TMEM54: variants seen among roughly 807,000 people sequenced by gnomAD.
The protein encoded by TMEM54 is transmembrane protein 54.
TMEM54 carries 21 observed loss-of-function variants against 21.3 expected under a neutral mutation model. The ratio of observed to expected loss-of-function variants is 0.99; its 90% CI spans 0.70 to 1.42. The LOEUF is 1.42. TMEM54 is among the 40% of genes most tolerant of loss of function. The pLI, the probability that TMEM54 is intolerant of heterozygous loss-of-function variation, is 0.00. For synonymous variants in TMEM54, 109 were observed against 125.0 expected, an observed-to-expected ratio of 0.87 and a Z score of 0.86; for missense variants, 246 against 294.0, an observed-to-expected ratio of 0.84 and a Z score of 1.19.
rs1641642734 is a variant in TMEM54, at chr1:32,898,169, T to G, written c.167A>C (p.Gln56Pro). 1.2e-6 allele frequency: 2 copies of G among 1,611,406 alleles called. No individual in the cohort carries two copies. The highest frequency in any genetic ancestry group is 1.7e-6 in the Non-Finnish European group (2 of 1,177,928). ...AGAGAGGATGTTGACCACGCAGTAC[T>G]GCAGAGCCACCGCATCTTGAGGGGT... is the stretch of plus-strand genomic sequence containing the variant. ...VGTPQDAVALQYCVVNILSVT... is the reference protein window; with the variant it reads ...VGTPQDAVALPYCVVNILSVT... Residue 56 changes from glutamine (Q) to proline (P), a missense_variant, in exon 2 of 6, where the codon CAG becomes CCG. Physicochemically the swap from Gln to Pro is moderately conservative, Grantham distance 76 (BLOSUM62 -1). Transcript: ENST00000373463.
chr1:32,900,434 A>G (rs1641699019), intron 1 of TMEM54, among the ~76,000 whole-genome samples: 1 of 151,982 alleles, frequency 6.6e-6, no homozygotes, highest in Non-Finnish European at 1.5e-5. Flanking sequence ...TATGTTGGCC[A>G]GGCTAGTCTC....
In TMEM54 at chr1:32,895,238, G is replaced by A. The variant is rs1641557314; in HGVS notation, c.594+67C>T. 6.4e-7 allele frequency: 1 copy of A among 1,551,822 alleles called. No individual in the cohort carries two copies. The stretch of plus-strand genomic sequence containing the variant: ...GGCCCATACATAGGGGTGGGGCAGA[G>A]CAGCTTGGGCACCCTGGCAGGGGCT... On this transcript the variant is annotated intron_variant, in intron 5 of 5. Coordinates refer to ENST00000373463, the MANE Select transcript of TMEM54 (RefSeq NM_033504.4). This position sits in a 1 kb window ranked among gnomAD's most constrained non-coding sequence, Gnocchi z 5.8.
chr1:32,894,671 G>T lies in TMEM54; in HGVS notation c.*134C>A. The T allele has an allele frequency of 8.1e-7, 1 of 1,227,508 alleles. No individual in the cohort carries two copies. The highest frequency in any genetic ancestry group is 1.1e-6 in the Non-Finnish European group (1 of 876,584). The allele number at this position is 1,227,508 out of a possible 1,614,324, so 76.0% of individuals were successfully genotyped here. ...AGTGGGCTGGGTGGTGGGGGAGAGG[G>T]TTGAAAGCCCCACTTGGGTCCCCGA... On this transcript the variant is annotated 3_prime_UTR_variant, in exon 6 of 6. Coordinates refer to ENST00000373463, the MANE Select transcript of TMEM54 (RefSeq NM_033504.4).
chr1:32,898,152 T>A lies in TMEM54; in HGVS notation c.184A>T (p.Ile62Phe). 1 of 1,600,792 alleles carries A rather than the reference T, an allele frequency of 6.2e-7. No homozygotes were observed. Among genetic ancestry groups the A allele is most frequent in the Non-Finnish European group, 8.6e-7 (1 of 1,168,878 alleles). Reference protein sequence around the residue: ...AVALQYCVVNILSVTSAIVVI... With the variant: ...AVALQYCVVNFLSVTSAIVVI... ...ACGATGGCGGAAGTGACAGAGAGGATGTTGACCACGCAGTACTGCAGAGCC... is the reference window on the plus strand; with the variant it reads ...ACGATGGCGGAAGTGACAGAGAGGAAGTTGACCACGCAGTACTGCAGAGCC... The change falls in exon 2 of 6, where the codon ATC (isoleucine) becomes TTC (phenylalanine). Residue 62 changes from isoleucine (I) to phenylalanine (F), a missense_variant. Coordinates refer to ENST00000373463, the MANE Select transcript of TMEM54 (RefSeq NM_033504.4).
chr1:32,898,401 G>C (rs1017991808), intron 1 of TMEM54, 82 bp from the exon 2 acceptor site: 10 of 1,328,072 alleles, frequency 7.5e-6, no homozygotes, highest in Non-Finnish European at 1.0e-5. Flanking sequence ...TGGCCCTAGT[G>C]ATGGACATTG....
chr1:32,896,263 G>C lies in TMEM54; in HGVS notation c.211-294C>G. The C allele has an allele frequency of 3.2e-6, 1 of 317,458 alleles. No individual in the cohort carries two copies. The highest frequency in any genetic ancestry group is 5.7e-6 in the Non-Finnish European group (1 of 173,976). The allele number at this position is 317,458 out of a possible 1,614,324, so 19.7% of individuals were successfully genotyped here. On this transcript the variant is annotated intron_variant, in intron 2 of 5. Transcript: ENST00000373463. This position sits in a 1 kb window ranked among gnomAD's most constrained non-coding sequence, Gnocchi z 4.1. ...ATCCTGGGGCCACCGGGGCATGCCAGGGTATGCATGGGACACCCCTTTCTG... is the reference window on the plus strand; with the variant it reads ...ATCCTGGGGCCACCGGGGCATGCCACGGTATGCATGGGACACCCCTTTCTG...
In TMEM54 at chr1:32,897,103, A is replaced by ACTGCCTTCC. The variant is rs1352586783; in HGVS notation, c.210+1014_210+1022dup. Among the ~76,000 whole-genome samples the ACTGCCTTCC allele has an allele frequency of 3.3e-5, 5 of 152,278 alleles. No homozygotes were observed. In the East Asian group the frequency reaches 9.7e-4, roughly 29 times the overall value. ...TGGTGGACCTCCTCGCCCTGAGCTC[A>ACTGCCTTCC]CTGCCTTCCCTGCCTTCCTCACAAC... On this transcript the variant is annotated intron_variant, in intron 2 of 5. Coordinates refer to ENST00000373463, the MANE Select transcript of TMEM54 (RefSeq NM_033504.4). This position sits in a 1 kb window ranked among gnomAD's most constrained non-coding sequence, Gnocchi z 4.9.
rs1366152206 is a variant in TMEM54, at chr1:32,895,928, G to T, written c.252C>A (p.Tyr84Ter). The change falls in exon 3 of 6, where the codon TAC (tyrosine) becomes TAA (stop). Residue 84 changes from tyrosine to a stop codon, truncating the protein, a stop_gained. Coordinates refer to ENST00000373463, the MANE Select transcript of TMEM54 (RefSeq NM_033504.4). LOFTEE classifies it high-confidence loss of function. The surrounding 1 kb of genome is among the most constrained non-coding windows in gnomAD (Gnocchi z 5.8). The stretch of plus-strand genomic sequence containing the variant: ...CACGTACCAGGGGGGTGCTAGGGAG[G>T]TAGCGTGACAACACGATGGCTGCGA... Reference protein sequence around the residue: ...SGIAAIVLSRYLPSTPLRWTV... With the variant: ...SGIAAIVLSR The T allele has an allele frequency of 6.2e-7, 1 of 1,613,284 alleles. No homozygotes were observed. Among genetic ancestry groups the T allele is most frequent in the African/African-American group, 1.3e-5 (1 of 74,916 alleles).
chr1:32,895,585 A>G lies in TMEM54; in HGVS notation c.429T>C (p.Pro143=). ...FGSSELLALA[P]DCPFDPTRIY... is the part of the protein sequence containing the mutation. Reference sequence around the variant, plus strand: ...TGCGTGTGGGGTCGAAGGGACAGTCAGGTGCGAGGGCCAGTAGTTCAGAGC... The same window carrying G: ...TGCGTGTGGGGTCGAAGGGACAGTCGGGTGCGAGGGCCAGTAGTTCAGAGC... Residue 143 remains proline (P), a synonymous_variant, in exon 4 of 6, where the codon CCT becomes CCC. Coordinates refer to ENST00000373463, the MANE Select transcript of TMEM54 (RefSeq NM_033504.4). The surrounding 1 kb of genome is among the most constrained non-coding windows in gnomAD (Gnocchi z 5.8). 6.3e-7 allele frequency: 1 copy of G among 1,587,092 alleles called. No individual in the cohort carries two copies. The highest frequency in any genetic ancestry group is 8.6e-7 in the Non-Finnish European group (1 of 1,166,720).
chr1:32,895,723 C>T lies in TMEM54; in HGVS notation c.291G>A (p.Ser97=), dbSNP rs375459586. ...STPLRWTVFS[S]SVACALLSLT... ...GAGAAAGGAGAGCACAGGCCACGCT[C>T]GAGCTAAACACTGTCCAGCGCTGGA... The change falls in exon 4 of 6, where the codon TCG becomes TCA. Residue 97 remains serine, a synonymous_variant. Coordinates refer to ENST00000373463, the MANE Select transcript of TMEM54 (RefSeq NM_033504.4). This position sits in a 1 kb window ranked among gnomAD's most constrained non-coding sequence, Gnocchi z 5.8. The T allele has an allele frequency of 2.4e-5, 38 of 1,557,892 alleles. No homozygotes were observed. Among genetic ancestry groups the T allele is most frequent in the African/African-American group, 2.3e-4 (17 of 73,572 alleles).
rs1641723657 is a variant in TMEM54 at position 32,901,282 on chromosome 1, C to G, written c.-44G>C. ...CCGCCCCCGGCTTCAGCGCGGCTCC[C>G]GAGGCTGCGGGCCGCCGGGGGACCC... is the stretch of plus-strand genomic sequence containing the variant. On this transcript the variant is annotated 5_prime_UTR_variant, in exon 1 of 6. Transcript: ENST00000373463. This position sits in a 1 kb window ranked among gnomAD's most constrained non-coding sequence, Gnocchi z 4.2. 5 of 1,344,970 alleles carry G rather than the reference C, an allele frequency of 3.7e-6. No homozygotes were observed. Among genetic ancestry groups the G allele is most frequent in the Non-Finnish European group, 4.8e-6 (5 of 1,040,172 alleles). 83.3% of individuals were successfully genotyped at this position (1,344,970 alleles called of 1,614,324 possible). A position where few individuals can be genotyped will look rare whatever the true frequency, so the allele number is the denominator to read the frequency against.
At position 32,896,164 on chromosome 1, in the gene TMEM54, T is replaced by TA; in HGVS notation, c.211-196dup. 1 of 574,990 alleles carries TA rather than the reference T, an allele frequency of 1.7e-6. No individual in the cohort carries two copies. The highest frequency in any genetic ancestry group is 3.0e-6 in the Non-Finnish European group (1 of 330,520). 35.6% of individuals were successfully genotyped at this position (574,990 alleles called of 1,614,324 possible). A position where few individuals can be genotyped will look rare whatever the true frequency, so the allele number is the denominator to read the frequency against. On this transcript the variant is annotated intron_variant, in intron 2 of 5. Transcript: ENST00000373463. This position sits in a 1 kb window ranked among gnomAD's most constrained non-coding sequence, Gnocchi z 4.1. ...ATAGTCCAGCCTGACATGATGTTTC[T>TA]AAAACAGTCACTCCCTCTCTACAAC... is the stretch of plus-strand genomic sequence containing the variant.
intron 1 of TMEM54, among the ~76,000 whole-genome samples, chr1:32,899,477 A>G (rs1319235814): frequency 1.3e-5 from 2 of 152,094 alleles, no homozygotes; most frequent in African/African-American, 2.4e-5. Context: ...AGGTGGGAGA[A>G]TCACTTAAAG....
Position 32,901,234 on chromosome 1 carries a change from C to T in TMEM54, c.5G>A (p.Cys2Tyr), listed in dbSNP as rs769088255. 8 of 1,482,058 alleles carry T rather than the reference C, an allele frequency of 5.4e-6. No individual in the cohort carries two copies. The South Asian group carries it at 9.3e-5, about 17-fold the overall frequency. The allele number at this position is 1,482,058 out of a possible 1,614,324, so 91.8% of individuals were successfully genotyped here. A position where few individuals can be genotyped will look rare whatever the true frequency, so the allele number is the denominator to read the frequency against. The change falls in exon 1 of 6, where the codon TGT becomes TAT. Residue 2 changes from cysteine (C) to tyrosine (Y), a missense_variant. Coordinates refer to ENST00000373463, the MANE Select transcript of TMEM54 (RefSeq NM_033504.4). This position sits in a 1 kb window ranked among gnomAD's most constrained non-coding sequence, Gnocchi z 4.2. Reference sequence around the variant, plus strand: ...CCCCAGTCGCTCACCGAGGCGCAGACACATGTCGGCTCCGCGCTGGTCCCG... The same window carrying T: ...CCCCAGTCGCTCACCGAGGCGCAGATACATGTCGGCTCCGCGCTGGTCCCG... M[C>Y]LRLGGLSVGD...
rs893625992 is a variant in TMEM54, at chr1:32,896,371, T to C, written c.211-402A>G. On this transcript the variant is annotated intron_variant, in intron 2 of 5. Coordinates refer to ENST00000373463, the MANE Select transcript of TMEM54 (RefSeq NM_033504.4). The surrounding 1 kb of genome is among the most constrained non-coding windows in gnomAD (Gnocchi z 4.1). Reference sequence around the variant, plus strand: ...TGTTACATTGAAACAAACCAAGACATGTTATGGAGTAGAATTTTAAATCTC... The same window carrying C: ...TGTTACATTGAAACAAACCAAGACACGTTATGGAGTAGAATTTTAAATCTC... The C allele has an allele frequency of 6.3e-6, 1 of 159,756 alleles. No homozygotes were observed. The highest frequency in any genetic ancestry group is 2.4e-5 in the African/African-American group (1 of 41,636). The allele number at this position is 159,756 out of a possible 1,614,324, so 9.9% of individuals were successfully genotyped here.
chr1:32,894,992 G>A (rs1557543737), intron 5 of TMEM54, 113 bp from the exon 6 acceptor site: 1 of 1,499,898 alleles, frequency 6.7e-7, no homozygotes, highest in Non-Finnish European at 9.0e-7. Flanking sequence ...TGGGGGCAAA[G>A]GGGCATCACT....
At chr1:32,900,658 GC>G (rs1432243121) in intron 1 of TMEM54, among the ~76,000 whole-genome samples, 1 of 152,206 alleles carries the variant, frequency 6.6e-6, no homozygotes, top group Non-Finnish European at 1.5e-5. Context: ...AGAAACTGAG[GC>G]TCACAAGGTC....
Position 32,895,372 on chromosome 1 carries a change from C to T in TMEM54, c.527G>A (p.Arg176His), listed in dbSNP as rs747846335. 21 of 1,613,956 alleles carry T rather than the reference C, an allele frequency of 1.3e-5. No individual in the cohort carries two copies. The highest frequency in any genetic ancestry group is 2.7e-5 in the African/African-American group (2 of 74,916). Residue 176 changes from arginine to histidine, a missense_variant, in exon 5 of 6, where the codon CGC (arginine) becomes CAC (histidine). Coordinates refer to ENST00000373463, the MANE Select transcript of TMEM54 (RefSeq NM_033504.4). The surrounding 1 kb of genome is among the most constrained non-coding windows in gnomAD (Gnocchi z 5.8). The stretch of plus-strand genomic sequence containing the variant: ...CAGCTGGTGGGTGAGCTGAGCACAG[C>T]GTACAGCAAACACGTTCTCCGCCAC... ...LCVAENVFAV[R>H]CAQLTHQLLE...
Position 32,901,164 on chromosome 1 carries a change from C to A in TMEM54, c.16+59G>T, listed in dbSNP as rs567817836. On this transcript the variant is annotated intron_variant, in intron 1 of 5. Coordinates refer to ENST00000373463, the MANE Select transcript of TMEM54 (RefSeq NM_033504.4). The surrounding 1 kb of genome is among the most constrained non-coding windows in gnomAD (Gnocchi z 4.2). ...GGGCTCGGGTTCCGGGCTCAGTGCT[C>A]CGCTCCTGTGGGAGGGTTGGGGTGG... 3.5e-6 allele frequency: 5 copies of A among 1,412,206 alleles called. No individual in the cohort carries two copies. The African/African-American group carries it at 5.8e-5, about 17-fold the overall frequency. 87.5% of individuals were successfully genotyped at this position (1,412,206 alleles called of 1,614,324 possible).
Sources: gnomAD v4.1 joint callset for allele counts (sites outside exome capture counted in the v4.1 genomes callset) on GRCh38, gnomAD v4.1.1 for gene constraint, Gnocchi (gnomAD v3.1) non-coding constraint, MANE v1.5 for transcripts, NCBI Gene and HGNC (gene_info 2026-07-23, HGNC 2026-07-21) for gene names.